AIG1: variants seen among roughly 807,000 people sequenced by gnomAD.
AIG1 encodes androgen induced 1.
In AIG1, 23 loss-of-function variants were observed where a neutral mutation model predicts 31.4. The ratio of observed to expected loss-of-function variants is 0.73; its 90% CI spans 0.53 to 1.04. The LOEUF is 1.04. Among genes scored for constraint, AIG1 ranks in the 50% least tolerant of loss-of-function variants. AIG1 has a pLI of 0.00. For synonymous variants in AIG1, 100 were observed against 110.5 expected (o/e 0.90, Z 0.60); for missense variants, 274 against 295.0 (o/e 0.93, Z 0.52).
At chr6:143,304,150 T>A (rs1168912047) in intron 4 of AIG1, among the ~76,000 whole-genome samples, 1 of 151,934 alleles carries the variant, frequency 6.6e-6, no homozygotes, top group Non-Finnish European at 1.5e-5. Context: ...TTTTCTAAAT[T>A]TACAATCATG....
intron 3 of AIG1, among the ~76,000 whole-genome samples, chr6:143,231,799 T>C (rs1248744924): frequency 2.0e-5 from 3 of 152,236 alleles, no homozygotes; most frequent in Non-Finnish European, 4.4e-5. Context: ...AGGCTAATCA[T>C]ATTTCAAGGG....
At chr6:143,145,771 T>C (rs1429755143) in intron 2 of AIG1, among the ~76,000 whole-genome samples, 1 of 152,210 alleles carries the variant, frequency 6.6e-6, no homozygotes, top group Non-Finnish European at 1.5e-5. Flanking sequence ...AATAACAATA[T>C]GTAAAATAAG....
At chr6:143,196,192 T>C (rs1790209166) in intron 3 of AIG1, among the ~76,000 whole-genome samples, 1 of 152,174 alleles carries the variant, frequency 6.6e-6, no homozygotes, top group Non-Finnish European at 1.5e-5. Context: ...TGAATGGTAA[T>C]CTGTAAATAA....
chr6:143,308,070 T>C (rs1431697512), intron 4 of AIG1, among the ~76,000 whole-genome samples: 1 of 152,228 alleles, frequency 6.6e-6, no homozygotes, highest in African/African-American at 2.4e-5. Context: ...AAGCGCAGTA[T>C]TGGGGTGGGA....
At chr6:143,188,307 G>A in intron 3 of AIG1, 1 of 986,032 alleles carries the variant, frequency 1.0e-6, no homozygotes, top group Non-Finnish European at 1.2e-6. Flanking sequence ...GTTGACACCA[G>A]TTGTTGCTAT....
At chr6:143,209,273 T>C (rs976254081) in intron 3 of AIG1, among the ~76,000 whole-genome samples, 1 of 152,230 alleles carries the variant, frequency 6.6e-6, no homozygotes, top group Non-Finnish European at 1.5e-5. Flanking sequence ...TGGTCACCCA[T>C]TATATCATTG....
At chr6:143,170,671 A>G (rs1787420701) in intron 3 of AIG1, among the ~76,000 whole-genome samples, 1 of 149,098 alleles carries the variant, frequency 6.7e-6, no homozygotes, top group Non-Finnish European at 1.5e-5. Context: ...TCCTTCTATT[A>G]ATTTTAGGTT....
chr6:143,143,538 TATATATATATATATATAC>T (rs1437671483), intron 2 of AIG1, among the ~76,000 whole-genome samples: 2,498 of 116,968 alleles, frequency 0.021, 162 homozygotes, highest in African/African-American at 0.082. Context: ...AATATATATA[TATATATATATATATATAC>T]ACACACACTT....
rs1475334703 is a variant in AIG1, at chr6:143,167,124, CATT to C, written c.399+1944_399+1946del. On this transcript the variant is annotated intron_variant, in intron 3 of 5. Transcript: ENST00000357847. ...TAGGTACGTATTTTTAAGAAAAAGA[CATT>C]ATGAAATTCCTGATCTCCAAGAGCT... Among the ~76,000 whole-genome samples, 6 of 152,236 alleles carry C rather than the reference CATT, an allele frequency of 3.9e-5. No individual in the cohort carries two copies. The East Asian group carries it at 1.2e-3, about 29-fold the overall frequency.
Position 143,279,917 on chromosome 6 carries a change from A to G in AIG1, c.400-4193A>G, listed in dbSNP as rs1797228088. Reference sequence around the variant, plus strand: ...CAAAGGTTTACTCCTTGGGCTGTCAACCTTCATTTTACTTAGCTCTTCAAA... The same window carrying G: ...CAAAGGTTTACTCCTTGGGCTGTCAGCCTTCATTTTACTTAGCTCTTCAAA... On this transcript the variant is annotated intron_variant, in intron 3 of 5. Coordinates refer to ENST00000357847, the MANE Select transcript of AIG1 (RefSeq NM_016108.4). The surrounding 1 kb of genome is among the most constrained non-coding windows in gnomAD (Gnocchi z 5.4). Among the ~76,000 whole-genome samples, 1 of 152,180 alleles carries G rather than the reference A, an allele frequency of 6.6e-6. No individual in the cohort carries two copies. Among genetic ancestry groups the G allele is most frequent in the Non-Finnish European group, 1.5e-5 (1 of 68,034 alleles).
intron 2 of AIG1, among the ~76,000 whole-genome samples, chr6:143,161,327 T>A (rs1786353306): frequency 6.6e-6 from 1 of 152,054 alleles, no homozygotes; most frequent in Admixed American, 6.6e-5. Context: ...TACACTAATC[T>A]TGCACAAAAC....
intron 4 of AIG1, among the ~76,000 whole-genome samples, chr6:143,317,670 AG>A (rs752746931): frequency 6.6e-5 from 10 of 151,546 alleles, no homozygotes; most frequent in Non-Finnish European, 1.0e-4. Flanking sequence ...TCAGAAATAA[AG>A]GGCATCCAAA....
chr6:143,137,062 AAAAG>A, intron 2 of AIG1, 72 bp downstream of exon 2: 1 of 1,304,518 alleles, frequency 7.7e-7, no homozygotes, highest in Non-Finnish European at 9.9e-7. Flanking sequence ...AAGAGAAAAA[AAAAG>A]AGTTCATTAT....
At chr6:143,072,164 C>G (rs1430319365) in intron 1 of AIG1, among the ~76,000 whole-genome samples, 1 of 152,112 alleles carries the variant, frequency 6.6e-6, no homozygotes. Flanking sequence ...TACTTGCCAT[C>G]TGTATATCCT....
At chr6:143,163,285 T>C (rs1340679193) in intron 2 of AIG1, among the ~76,000 whole-genome samples, 5 of 152,322 alleles carry the variant, frequency 3.3e-5, no homozygotes, top group African/African-American at 1.2e-4. Flanking sequence ...TAATTAAGTG[T>C]TTACTATCTG....
intron 1 of AIG1, among the ~76,000 whole-genome samples, chr6:143,105,738 G>A (rs112253622): frequency 6.6e-6 from 1 of 152,204 alleles, no homozygotes; most frequent in Non-Finnish European, 1.5e-5. Flanking sequence ...TAAGAACAAG[G>A]TCAGGCCCCT....
intron 1 of AIG1, among the ~76,000 whole-genome samples, chr6:143,074,349 A>G (rs1777552370): frequency 6.6e-6 from 1 of 152,186 alleles, no homozygotes; most frequent in African/African-American, 2.4e-5. Flanking sequence ...ATTCCCGTGT[A>G]TTCTCTTCTA....
intron 1 of AIG1, among the ~76,000 whole-genome samples, chr6:143,083,754 C>T (rs2128470470): frequency 6.6e-6 from 1 of 152,254 alleles, no homozygotes; most frequent in African/African-American, 2.4e-5. Flanking sequence ...GGAAAGGAGG[C>T]AGAATCCTTT....
chr6:143,256,264 A>G lies in AIG1; in HGVS notation c.400-27846A>G, dbSNP rs574801006. On this transcript the variant is annotated intron_variant, in intron 3 of 5. Coordinates refer to ENST00000357847, the MANE Select transcript of AIG1 (RefSeq NM_016108.4). The surrounding 1 kb of genome is among the most constrained non-coding windows in gnomAD (Gnocchi z 4.6). ...AACAACTGGCTGGGAAATGGACACT[A>G]TGATTAAAATCTAAGGAAAATTAGG... Among the ~76,000 whole-genome samples the G allele has an allele frequency of 1.3e-5, 2 of 152,354 alleles. No homozygotes were observed. Among genetic ancestry groups the G allele is most frequent in the Non-Finnish European group, 2.9e-5 (2 of 68,032 alleles).
Sources: gnomAD v4.1 joint callset for allele counts (sites outside exome capture counted in the v4.1 genomes callset) on GRCh38, gnomAD v4.1.1 for gene constraint, Gnocchi (gnomAD v3.1) non-coding constraint, MANE v1.5 for transcripts, NCBI Gene and HGNC (gene_info 2026-07-23, HGNC 2026-07-21) for gene names.